Variants in DSTN observed in about 807,000 individuals in gnomAD.
DSTN encodes the protein destrin.
DSTN carries 10 observed loss-of-function variants against 16.8 expected under a neutral mutation model. The observed-to-expected ratio is 0.60, with a 90% CI of 0.37 to 1.01. The LOEUF (loss-of-function observed/expected upper bound fraction) is 1.01. Among genes scored for constraint, DSTN ranks in the 50% least tolerant of loss-of-function variants. The pLI, the probability that DSTN is intolerant of heterozygous loss-of-function variation, is 0.01. For synonymous variants in DSTN, 57 were observed against 58.9 expected (o/e 0.97, Z 0.14); for missense variants, 141 against 196.7 (o/e 0.72, Z 1.69).
intron 1 of DSTN, chr20:17,599,428 C>G (rs1441295461): frequency 6.6e-6 from 1 of 152,300 alleles, no homozygotes; most frequent in Non-Finnish European, 1.5e-5. Flanking sequence ...AGCTTCTTCA[C>G]TGTCTCATGG....
chr20:17,601,451 G>A (rs947742806), intron 2 of DSTN, among the ~76,000 whole-genome samples: 1 of 151,882 alleles, frequency 6.6e-6, no homozygotes, highest in Non-Finnish European at 1.5e-5. Flanking sequence ...TGCCTCTGTG[G>A]TCTACTACTT....
At chr20:17,582,260 A>G (rs900469546) in intron 1 of DSTN, among the ~76,000 whole-genome samples, 4 of 151,846 alleles carry the variant, frequency 2.6e-5, no homozygotes, top group African/African-American at 9.7e-5. Context: ...TTATATCTTT[A>G]GTAGAGATGG....
chr20:17,572,368 C>A (rs1047363857), intron 1 of DSTN, among the ~76,000 whole-genome samples: 1 of 152,150 alleles, frequency 6.6e-6, no homozygotes. Flanking sequence ...TGCCAGCCTC[C>A]TTATACAGAG....
intron 1 of DSTN, among the ~76,000 whole-genome samples, chr20:17,584,768 C>A (rs896327492): frequency 5.3e-5 from 8 of 151,678 alleles, no homozygotes; most frequent in African/African-American, 1.9e-4. Flanking sequence ...ACTTCTTTTT[C>A]TTCTGTACTG....
intron 3 of DSTN, chr20:17,605,046 T>C (rs747866247): frequency 1.5e-5 from 7 of 456,426 alleles, no homozygotes; most frequent in South Asian, 9.3e-5. Context: ...GAAAGGATGC[T>C]CTTTTCTCCA....
chr20:17,576,767 T>G (rs2035283466), intron 1 of DSTN, among the ~76,000 whole-genome samples: 1 of 152,250 alleles, frequency 6.6e-6, no homozygotes, highest in African/African-American at 2.4e-5. Context: ...CTTCATAGGT[T>G]GTTATTTCTG....
chr20:17,578,744 T>C (rs536342118), intron 1 of DSTN, among the ~76,000 whole-genome samples: 15 of 152,170 alleles, frequency 9.9e-5, no homozygotes, highest in Non-Finnish European at 1.8e-4. Flanking sequence ...GTGGGTCGCT[T>C]GAGGTCGGGA....
At chr20:17,578,442 C>T (rs2035303899) in intron 1 of DSTN, among the ~76,000 whole-genome samples, 1 of 152,196 alleles carries the variant, frequency 6.6e-6, no homozygotes, top group Non-Finnish European at 1.5e-5. Context: ...AATAGTACCT[C>T]CCCTTTGTAT....
chr20:17,593,084 C>G (rs553855826), intron 1 of DSTN, among the ~76,000 whole-genome samples: 4 of 152,180 alleles, frequency 2.6e-5, no homozygotes, highest in East Asian at 3.9e-4. Context: ...CAACCTGGTG[C>G]GAGTCTCCAG....
At chr20:17,583,510 A>G (rs1007792096) in intron 1 of DSTN, among the ~76,000 whole-genome samples, 2 of 152,174 alleles carry the variant, frequency 1.3e-5, no homozygotes, top group Non-Finnish European at 2.9e-5. Context: ...ATTATTTGGC[A>G]ATAAAAAGAA....
intron 1 of DSTN, among the ~76,000 whole-genome samples, chr20:17,589,122 A>G (rs142826925): frequency 7.8e-4 from 119 of 151,916 alleles, no homozygotes; most frequent in African/African-American, 2.8e-3. Context: ...GTCGTGGTGG[A>G]CTTATGTTCT....
chr20:17,602,523 GAAGAA>G (rs1368394795), intron 2 of DSTN, among the ~76,000 whole-genome samples: 4 of 152,126 alleles, frequency 2.6e-5, no homozygotes, highest in African/African-American at 9.7e-5. Flanking sequence ...GAAAATAATA[GAAGAA>G]AAGGAAATTT....
At position 17,570,237 on chromosome 20, in the gene DSTN, G is replaced by T. The variant is rs1453585812; in HGVS notation, c.3+26G>T. The T allele has an allele frequency of 4.0e-6, 6 of 1,494,822 alleles. No individual in the cohort carries two copies. In the East Asian group the frequency reaches 1.4e-4, roughly 34 times the overall value. The allele number at this position is 1,494,822 out of a possible 1,614,324, so 92.6% of individuals were successfully genotyped here. A position where few individuals can be genotyped will look rare whatever the true frequency, so the allele number is the denominator to read the frequency against. On this transcript the variant is annotated intron_variant, in intron 1 of 3. Coordinates refer to ENST00000246069, the MANE Select transcript of DSTN (RefSeq NM_006870.4). ...GTGAGTAGGAGGGAGGCCGAGGCGT[G>T]GGCCGAGGCGGCCGGGAGCAGTGTG...
chr20:17,599,015 A>T (rs1289792956), intron 1 of DSTN, among the ~76,000 whole-genome samples: 1 of 152,246 alleles, frequency 6.6e-6, no homozygotes, highest in Non-Finnish European at 1.5e-5. Context: ...AACCTTGTAC[A>T]CGAGTGTTTA....
chr20:17,586,026 GAA>G (rs1319238511), intron 1 of DSTN, among the ~76,000 whole-genome samples: 1 of 152,154 alleles, frequency 6.6e-6, no homozygotes, highest in Non-Finnish European at 1.5e-5. Flanking sequence ...GAGAGAGAGA[GAA>G]AGCTTCCTTA....
intron 1 of DSTN, among the ~76,000 whole-genome samples, chr20:17,590,649 G>A (rs1161602352): frequency 2.0e-5 from 3 of 152,198 alleles, no homozygotes; most frequent in Non-Finnish European, 4.4e-5. Flanking sequence ...TTGGTGCTAT[G>A]TTCAGAGTAT....
chr20:17,607,179 G>A lies in DSTN; in HGVS notation c.*33G>A, dbSNP rs112739860. The stretch of plus-strand genomic sequence containing the variant: ...AGTGCCACAAATTGAAAGCTTCCAT[G>A]TTTAATGTTATCCTCTTGCTATATA... On this transcript the variant is annotated 3_prime_UTR_variant, in exon 4 of 4. Transcript: ENST00000246069. 20 of 1,589,820 alleles carry A rather than the reference G, an allele frequency of 1.3e-5. 1 individual carries two copies. In the African/African-American group the frequency reaches 1.3e-4, roughly 11 times the overall value.
chr20:17,597,925 A>T (rs1174297848), intron 1 of DSTN, among the ~76,000 whole-genome samples: 1 of 152,230 alleles, frequency 6.6e-6, no homozygotes, highest in Non-Finnish European at 1.5e-5. Flanking sequence ...TGAACATTGC[A>T]TATAAATAGA....
At chr20:17,605,677 A>T (rs760925339) in intron 3 of DSTN, among the ~76,000 whole-genome samples, 1 of 152,172 alleles carries the variant, frequency 6.6e-6, no homozygotes. Flanking sequence ...GCTAACTGAC[A>T]CTTTTAAATC....
Sources: allele counts gnomAD v4.1 joint callset (sites outside exome capture counted in the v4.1 genomes callset), GRCh38; gene constraint gnomAD v4.1.1; transcripts MANE v1.5; gene names NCBI Gene and HGNC (gene_info 2026-07-23, HGNC 2026-07-21).